The following ZCWPW2 variants were observed in gnomAD, a reference collection of about 807,000 sequenced individuals.
ZCWPW2 encodes the protein zinc finger CW-type and PWWP domain containing 2.
ZCWPW2 carries 45 observed loss-of-function variants against 46.6 expected under a neutral mutation model. The observed-to-expected ratio is 0.96, with a 90% CI of 0.76 to 1.24. The LOEUF (loss-of-function observed/expected upper bound fraction) is 1.24. Among genes scored for constraint, ZCWPW2 ranks in the 50% most tolerant of loss-of-function variants. The pLI, the probability that ZCWPW2 is intolerant of heterozygous loss-of-function variation, is 0.00. For missense variants in ZCWPW2, 429 were observed against 403.9 expected (o/e 1.06, Z -0.53); for synonymous variants, 152 against 137.1 (o/e 1.11, Z -0.76).
At chr3:28,361,614 A>C (rs1301707643) in intron 1 of ZCWPW2, among the ~76,000 whole-genome samples, 1 of 152,184 alleles carries the variant, frequency 6.6e-6, no homozygotes, top group Non-Finnish European at 1.5e-5. Flanking sequence ...ATGGAAGAAA[A>C]TATTTGCAAA....
chr3:28,452,128 A>G (rs1451470811), intron 4 of ZCWPW2, among the ~76,000 whole-genome samples: 1 of 152,242 alleles, frequency 6.6e-6, no homozygotes, highest in Non-Finnish European at 1.5e-5. Context: ...CAATAGGAAA[A>G]GAATAAAGTT....
chr3:28,498,048 A>G (rs1354359317), intron 6 of ZCWPW2, among the ~76,000 whole-genome samples: 2 of 152,098 alleles, frequency 1.3e-5, no homozygotes, highest in African/African-American at 4.8e-5. Flanking sequence ...TCTGTAGAAT[A>G]TCATAATACT....
At chr3:28,424,959 T>TA (rs1322633927) in intron 3 of ZCWPW2, among the ~76,000 whole-genome samples, 1 of 152,208 alleles carries the variant, frequency 6.6e-6, no homozygotes, top group Non-Finnish European at 1.5e-5. Context: ...TTCTTGTCTC[T>TA]AATTAACATT....
chr3:28,362,587 G>C (rs1017591250), intron 1 of ZCWPW2, among the ~76,000 whole-genome samples: 1 of 152,306 alleles, frequency 6.6e-6, no homozygotes, highest in Admixed American at 6.5e-5. Context: ...ATGCTGGCGA[G>C]GTTGTGGAGA....
intron 5 of ZCWPW2, among the ~76,000 whole-genome samples, chr3:28,483,099 T>A (rs1397703851): frequency 6.6e-6 from 1 of 152,148 alleles, no homozygotes; most frequent in Non-Finnish European, 1.5e-5. Flanking sequence ...GTTTTCTCTT[T>A]TATCTTCTAG....
intron 3 of ZCWPW2, among the ~76,000 whole-genome samples, chr3:28,428,956 G>T (rs924728633): frequency 2.6e-5 from 4 of 152,046 alleles, no homozygotes; most frequent in Admixed American, 6.6e-5. Flanking sequence ...CCCAGTCTTG[G>T]GTATTTCTTC....
At chr3:28,443,520 G>C (rs573101831) in intron 4 of ZCWPW2, among the ~76,000 whole-genome samples, 1 of 152,188 alleles carries the variant, frequency 6.6e-6, no homozygotes, top group African/African-American at 2.4e-5. Flanking sequence ...GAATGCAGTA[G>C]GCTTCGTATC....
intron 1 of ZCWPW2, among the ~76,000 whole-genome samples, chr3:28,356,855 G>C (rs1052555288): frequency 2.6e-5 from 4 of 152,062 alleles, no homozygotes; most frequent in Admixed American, 1.3e-4. Flanking sequence ...GGCCTGTCGT[G>C]GGGTGGGAGA....
intron 7 of ZCWPW2, among the ~76,000 whole-genome samples, chr3:28,515,102 A>C (rs990231462): frequency 6.6e-5 from 10 of 152,230 alleles, no homozygotes; most frequent in Admixed American, 6.5e-4. Flanking sequence ...GAGAAAGTAC[A>C]TTTGAGCAAA....
chr3:28,386,549 T>C (rs1023319490), intron 1 of ZCWPW2, among the ~76,000 whole-genome samples: 1 of 152,212 alleles, frequency 6.6e-6, no homozygotes, highest in Non-Finnish European at 1.5e-5. Context: ...CTATGAAAAA[T>C]TATTAGCTAA....
At chr3:28,480,871 T>TC (rs1371588241) in intron 5 of ZCWPW2, among the ~76,000 whole-genome samples, 2 of 148,558 alleles carry the variant, frequency 1.3e-5, no homozygotes, top group Non-Finnish European at 3.0e-5. Flanking sequence ...TTTCTTTTTT[T>TC]TTTTTTTTTT....
At chr3:28,453,797 ATATTTATTTATT>A (rs202155639) in intron 4 of ZCWPW2, among the ~76,000 whole-genome samples, 77 of 148,172 alleles carry the variant, frequency 5.2e-4, no homozygotes, top group Middle Eastern at 3.6e-3. Context: ...ATAATTGTGT[ATATTTATTTATT>A]TATTTATTTA....
chr3:28,477,578 T>A (rs1290094321), intron 4 of ZCWPW2, among the ~76,000 whole-genome samples: 5 of 152,276 alleles, frequency 3.3e-5, no homozygotes, highest in African/African-American at 1.2e-4. Context: ...ATGAAAGTAT[T>A]TATGTGTAGT....
intron 2 of ZCWPW2, among the ~76,000 whole-genome samples, chr3:28,394,874 A>T (rs550279116): frequency 5.9e-5 from 9 of 152,236 alleles, no homozygotes; most frequent in East Asian, 5.8e-4. Context: ...TGTGACACCA[A>T]GTGCACAGGC....
At chr3:28,365,621 G>A (rs1390591769) in intron 1 of ZCWPW2, among the ~76,000 whole-genome samples, 2 of 140,934 alleles carry the variant, frequency 1.4e-5, no homozygotes, top group Admixed American at 7.6e-5. Context: ...GATTGACTTG[G>A]CAATGCGGGC....
At chr3:28,394,607 A>G (rs1251462534) in intron 2 of ZCWPW2, among the ~76,000 whole-genome samples, 1 of 152,158 alleles carries the variant, frequency 6.6e-6, no homozygotes. Flanking sequence ...AAACCCATGC[A>G]TATACAACCA....
intron 4 of ZCWPW2, among the ~76,000 whole-genome samples, chr3:28,476,306 G>C (rs1288447968): frequency 6.6e-6 from 1 of 152,122 alleles, no homozygotes; most frequent in East Asian, 1.9e-4. Flanking sequence ...GCACAGTTGA[G>C]CCTAATTTGG....
chr3:28,445,853 G>A (rs552937415), intron 4 of ZCWPW2, among the ~76,000 whole-genome samples: 6 of 152,140 alleles, frequency 3.9e-5, no homozygotes, highest in South Asian at 2.1e-4. Flanking sequence ...AAGATGTTCC[G>A]TGCAAATAGT....
rs763135619 is a variant in ZCWPW2 at position 28,524,600 on chromosome 3, T to C, written c.983T>C (p.Ile328Thr). ...CACTATGAAGAGGACTATCTTGTAA[T>C]TGATGGGATAAAATTAAAAGCTGGA... ...ENHYEEDYLV[I>T]DGIKLKAGEC... Residue 328 changes from isoleucine (I) to threonine (T), a missense_variant, in exon 10 of 10, where the codon ATT becomes ACT. Ile to Thr is a moderately conservative substitution (Grantham distance 89). Coordinates refer to ENST00000383768, the MANE Select transcript of ZCWPW2 (RefSeq NM_001040432.4). 4.6e-5 allele frequency: 74 copies of C among 1,609,454 alleles called. No homozygotes were observed. Among genetic ancestry groups the C allele is most frequent in the East Asian group, 6.7e-5 (3 of 44,660 alleles).
Sources: allele counts gnomAD v4.1 joint callset (sites outside exome capture counted in the v4.1 genomes callset), GRCh38; gene constraint gnomAD v4.1.1; transcripts MANE v1.5; gene names NCBI Gene and HGNC (gene_info 2026-07-23, HGNC 2026-07-21).